ANKS1B: variants seen among roughly 807,000 people sequenced by gnomAD.
The protein encoded by ANKS1B is ankyrin repeat and sterile alpha motif domain-containing protein 1B.
In ANKS1B, 36 loss-of-function variants were observed where a neutral mutation model predicts 148.3. The observed-to-expected ratio is 0.24, with a 90% CI of 0.19 to 0.32. The LOEUF (loss-of-function observed/expected upper bound fraction) is 0.32, where lower values mean the gene tolerates loss of function less well. Among genes scored for constraint, ANKS1B ranks in the 10% least tolerant of loss-of-function variants. The pLI is 1.00. For synonymous variants in ANKS1B, 542 were observed against 560.8 expected, an observed-to-expected ratio of 0.97 and a Z score of 0.47; for missense variants, 1,157 against 1,542.6, an observed-to-expected ratio of 0.75 and a Z score of 4.19.
chr12:99,271,157 G>A (rs566392157), intron 12 of ANKS1B, among the ~76,000 whole-genome samples: 47 of 152,174 alleles, frequency 3.1e-4, no homozygotes, highest in Non-Finnish European at 8.8e-5. Flanking sequence ...TTGCAGCTCC[G>A]CCAATTCATC....
At chr12:99,064,504 G>A (rs7957290) in intron 16 of ANKS1B, among the ~76,000 whole-genome samples, 12,784 of 152,228 alleles carry the variant, frequency 0.084, 1,344 homozygotes, top group African/African-American at 0.24. Flanking sequence ...GCACTGGGAA[G>A]ACTACAAGTT....
At chr12:98,997,225 G>T (rs999486125) in intron 17 of ANKS1B, among the ~76,000 whole-genome samples, 2 of 152,186 alleles carry the variant, frequency 1.3e-5, no homozygotes, top group African/African-American at 4.8e-5. Context: ...TTGGTAAAAG[G>T]TTATCTCTTT....
intron 22 of ANKS1B, among the ~76,000 whole-genome samples, chr12:98,783,015 C>T (rs1188965507): frequency 6.6e-6 from 1 of 151,044 alleles, no homozygotes; most frequent in Non-Finnish European, 1.5e-5. Flanking sequence ...GCAGCCCAGG[C>T]GATAGTTGGA....
chr12:99,067,261 C>T (rs534987239), intron 16 of ANKS1B, among the ~76,000 whole-genome samples: 1 of 152,286 alleles, frequency 6.6e-6, no homozygotes, highest in South Asian at 2.1e-4. Flanking sequence ...CAGCAGTTGG[C>T]AATGATGGCC....
chr12:99,550,445 G>A (rs1205009980), intron 9 of ANKS1B, among the ~76,000 whole-genome samples: 1 of 152,030 alleles, frequency 6.6e-6, no homozygotes, highest in East Asian at 1.9e-4. Flanking sequence ...CCAACATGGT[G>A]AAACTCCGTC....
At chr12:99,053,944 T>C (rs1051934452) in intron 16 of ANKS1B, among the ~76,000 whole-genome samples, 2 of 152,230 alleles carry the variant, frequency 1.3e-5, no homozygotes, top group African/African-American at 2.4e-5. Flanking sequence ...TTGTCAGCTA[T>C]ATACAGATTT....
chr12:99,825,063 T>G (rs2083009956), intron 2 of ANKS1B, among the ~76,000 whole-genome samples: 1 of 152,178 alleles, frequency 6.6e-6, no homozygotes, highest in African/African-American at 2.4e-5. Context: ...CTGTCAATTT[T>G]TCCATTCTCC....
chr12:99,332,635 G>A (rs1266663961), intron 12 of ANKS1B, among the ~76,000 whole-genome samples: 1 of 151,730 alleles, frequency 6.6e-6, no homozygotes, highest in African/African-American at 2.4e-5. Flanking sequence ...TAAGGAAGGT[G>A]GTGATCAAGG....
chr12:98,735,400 AAAAAT>A (rs2097768255), exon 10 of ANKS1B: 1 of 427,624 alleles, frequency 2.3e-6, no homozygotes, highest in Non-Finnish European at 4.2e-6. Context: ...AAATTTTTGT[AAAAAT>A]AAAATTCACA....
chr12:99,304,129 C>T (rs180857472), intron 12 of ANKS1B, among the ~76,000 whole-genome samples: 1 of 152,198 alleles, frequency 6.6e-6, no homozygotes, highest in African/African-American at 2.4e-5. Flanking sequence ...GATAGATACC[C>T]AGTAGTGGGA....
chr12:99,363,324 T>C (rs2092592382), intron 12 of ANKS1B, among the ~76,000 whole-genome samples: 1 of 152,140 alleles, frequency 6.6e-6, no homozygotes, highest in Admixed American at 6.6e-5. Flanking sequence ...CAATAAAATG[T>C]ATTTAGTAAA....
chr12:99,163,360 T>C (rs2076871730), intron 14 of ANKS1B, among the ~76,000 whole-genome samples: 1 of 152,144 alleles, frequency 6.6e-6, no homozygotes, highest in Non-Finnish European at 1.5e-5. Flanking sequence ...TCTCCAGTTG[T>C]GACATCCTGT....
At chr12:99,484,644 A>C (rs905050075) in intron 10 of ANKS1B, among the ~76,000 whole-genome samples, 2 of 151,724 alleles carry the variant, frequency 1.3e-5, no homozygotes, top group Non-Finnish European at 2.9e-5. Flanking sequence ...GTCTAGTAGT[A>C]ATGTTTCATA....
intron 15 of ANKS1B, among the ~76,000 whole-genome samples, chr12:99,117,522 C>A (rs555157253): frequency 1.6e-4 from 24 of 152,140 alleles, no homozygotes; most frequent in Non-Finnish European, 3.2e-4. Flanking sequence ...TATGTTGAAC[C>A]AACCTTGCAT....
At chr12:98,838,278 A>G (rs2099386666) in intron 17 of ANKS1B, among the ~76,000 whole-genome samples, 1 of 152,232 alleles carries the variant, frequency 6.6e-6, no homozygotes, top group African/African-American at 2.4e-5. Context: ...CCATGTTTAC[A>G]TAGACACAGC....
intron 17 of ANKS1B, among the ~76,000 whole-genome samples, chr12:98,929,849 A>G (rs950566118): frequency 6.6e-6 from 1 of 152,146 alleles, no homozygotes; most frequent in Non-Finnish European, 1.5e-5. Context: ...AAGAAAACAT[A>G]GAAGAAAATC....
chr12:99,381,102 T>C (rs1199414174), intron 12 of ANKS1B, among the ~76,000 whole-genome samples: 2 of 152,222 alleles, frequency 1.3e-5, no homozygotes, highest in Admixed American at 6.5e-5. Context: ...GAAAGGATTC[T>C]TTCCTAGTGC....
At position 99,174,398 on chromosome 12, in the gene ANKS1B, A is replaced by T. The variant is rs528169704; in HGVS notation, c.2420-20003T>A. On this transcript the variant is annotated intron_variant, in intron 14 of 26. Coordinates refer to ENST00000683438, the MANE Select transcript of ANKS1B (RefSeq NM_001352186.2). ...CAGAAATTGCGAGATTATAAAATGT[A>T]TGCTGTTTTAAGCTGCTAAATTTTG... Among the ~76,000 whole-genome samples, 10 of 152,340 alleles carry T rather than the reference A, an allele frequency of 6.6e-5. No homozygotes were observed. In the South Asian group the frequency reaches 2.1e-3, roughly 32 times the overall value.
At chr12:99,536,503 T>G (rs2097068666) in intron 9 of ANKS1B, among the ~76,000 whole-genome samples, 1 of 152,226 alleles carries the variant, frequency 6.6e-6, no homozygotes. Context: ...ATACCTTTTG[T>G]GTTCCAGTGG....
Sources: allele counts gnomAD v4.1 joint callset (sites outside exome capture counted in the v4.1 genomes callset), GRCh38; gene constraint gnomAD v4.1.1; transcripts MANE v1.5; gene names NCBI Gene and HGNC (gene_info 2026-07-23, HGNC 2026-07-21).